The following CDK14 variants were observed in gnomAD, a reference collection of about 807,000 sequenced individuals.
CDK14 encodes cyclin dependent kinase 14, also known as cyclin-dependent kinase 14.
CDK14 carries 34 observed loss-of-function variants against 60.7 expected under a neutral mutation model. The ratio of observed to expected loss-of-function variants is 0.56; its 90% confidence interval spans 0.43 to 0.75. The LOEUF is 0.75. CDK14 is among the 30% of genes least tolerant of loss of function. The pLI is 0.00. For missense variants in CDK14, 482 were observed against 564.1 expected, an observed-to-expected ratio of 0.85 and a Z score of 1.47; for synonymous variants, 197 against 203.7, an observed-to-expected ratio of 0.97 and a Z score of 0.28.
intron 8 of CDK14, among the ~76,000 whole-genome samples, chr7:90,930,034 C>G (rs1424100006): frequency 6.6e-6 from 1 of 152,040 alleles, no homozygotes; most frequent in African/African-American, 2.4e-5. Flanking sequence ...ATTTGATGCT[C>G]TGTTCAACAG....
intron 4 of CDK14, among the ~76,000 whole-genome samples, chr7:90,762,756 C>T (rs781373168): frequency 1.1e-4 from 17 of 152,100 alleles, no homozygotes; most frequent in African/African-American, 1.9e-4. Flanking sequence ...GAGGCTGAGG[C>T]GGGCAGATTA....
chr7:90,878,960 A>T (rs1434670310), intron 6 of CDK14, among the ~76,000 whole-genome samples: 5 of 152,224 alleles, frequency 3.3e-5, no homozygotes, highest in Non-Finnish European at 4.4e-5. Context: ...TATTTGCCTA[A>T]TGTAGAAGAC....
intron 5 of CDK14, among the ~76,000 whole-genome samples, chr7:90,823,661 C>T (rs17163266): frequency 0.15 from 22,380 of 152,144 alleles, 1,824 homozygotes; most frequent in Middle Eastern, 0.25. Context: ...GGCTGGGCAT[C>T]GGCACTTAGT....
In CDK14 at chr7:91,098,526, AG is replaced by A. The variant is rs200913641; in HGVS notation, c.1155-14015del. 2.8e-3 allele frequency among the ~76,000 whole-genome samples: 407 copies of A among 144,394 alleles called. 2 individuals are homozygous for A. The highest frequency in any genetic ancestry group is 7.4e-3 in the Middle Eastern group (2 of 272). 94.7% of individuals were successfully genotyped at this position (144,394 alleles called of 152,430 possible). On this transcript the variant is annotated intron_variant, in intron 12 of 14. Coordinates refer to ENST00000380050, the MANE Select transcript of CDK14 (RefSeq NM_001287135.2). ...AAAAAAGAAAGAAAAAGAAAGAAAGAGAAAAAAAAAAAGAAATAAAGGCAAA... is the reference window on the plus strand; with the variant it reads ...AAAAAAGAAAGAAAAAGAAAGAAAGAAAAAAAAAAAAGAAATAAAGGCAAA...
chr7:90,639,929 C>T (rs17865024), intron 2 of CDK14, among the ~76,000 whole-genome samples: 5,708 of 152,166 alleles, frequency 0.038, 151 homozygotes, highest in Non-Finnish European at 0.057. Flanking sequence ...GAGCCAGGTG[C>T]GGGATATAGT....
chr7:91,037,705 T>C (rs1030950615), intron 10 of CDK14, among the ~76,000 whole-genome samples: 2 of 152,170 alleles, frequency 1.3e-5, no homozygotes, highest in Non-Finnish European at 2.9e-5. Context: ...AAACCTGATA[T>C]TGCACACATG....
At chr7:91,189,606 T>A (rs1424342475) in intron 14 of CDK14, among the ~76,000 whole-genome samples, 3 of 151,658 alleles carry the variant, frequency 2.0e-5, no homozygotes, top group African/African-American at 7.3e-5. Context: ...AGAATCCCAA[T>A]TTTTTTTTCA....
At chr7:90,769,375 T>C (rs1804692403) in intron 4 of CDK14, among the ~76,000 whole-genome samples, 1 of 152,170 alleles carries the variant, frequency 6.6e-6, no homozygotes, top group Non-Finnish European at 1.5e-5. Context: ...GTGAAAAGCA[T>C]ATCAGAATGC....
intron 12 of CDK14, among the ~76,000 whole-genome samples, chr7:91,084,369 T>C (rs761568231): frequency 5.3e-5 from 8 of 152,192 alleles, no homozygotes; most frequent in Non-Finnish European, 8.8e-5. Flanking sequence ...GAAAACAGTG[T>C]TTGCAGCTGG....
At chr7:90,828,693 A>G (rs1789807225) in intron 5 of CDK14, among the ~76,000 whole-genome samples, 1 of 152,154 alleles carries the variant, frequency 6.6e-6, no homozygotes, top group South Asian at 2.1e-4. Flanking sequence ...TTGTTGAATT[A>G]CCCACTGACA....
intron 2 of CDK14, among the ~76,000 whole-genome samples, chr7:90,711,799 G>A (rs1802069183): frequency 6.6e-6 from 1 of 150,696 alleles, no homozygotes; most frequent in Non-Finnish European, 1.5e-5. Flanking sequence ...GCATTTTTTG[G>A]TTAAACATTT....
At chr7:91,004,449 T>C (rs1246048740) in intron 10 of CDK14, among the ~76,000 whole-genome samples, 1 of 152,222 alleles carries the variant, frequency 6.6e-6, no homozygotes, top group African/African-American at 2.4e-5. Flanking sequence ...ACCAATCTAC[T>C]GGGGAGTGGT....
intron 14 of CDK14, among the ~76,000 whole-genome samples, chr7:91,193,242 C>T (rs35120957): frequency 0.41 from 61,976 of 152,068 alleles, 14,452 homozygotes; most frequent in Middle Eastern, 0.56. Context: ...GACCTGGAAT[C>T]TATGGGTCTA....
intron 12 of CDK14, among the ~76,000 whole-genome samples, chr7:91,106,628 A>T (rs61417455): frequency 0.014 from 2,168 of 152,326 alleles, 55 homozygotes; most frequent in African/African-American, 0.049. Flanking sequence ...ATTAGAATTA[A>T]AGTATTCCAA....
At chr7:91,201,598 A>G (rs575127041) in intron 14 of CDK14, among the ~76,000 whole-genome samples, 6 of 152,190 alleles carry the variant, frequency 3.9e-5, no homozygotes, top group Admixed American at 3.3e-4. Flanking sequence ...AGGCCAGTGA[A>G]ACACAGACCA....
At chr7:91,189,488 G>A (rs1802291187) in intron 14 of CDK14, among the ~76,000 whole-genome samples, 1 of 152,052 alleles carries the variant, frequency 6.6e-6, no homozygotes, top group African/African-American at 2.4e-5. Context: ...TTTTTGATAT[G>A]CATGACAATT....
At chr7:91,058,834 A>G (rs1797675331) in intron 11 of CDK14, among the ~76,000 whole-genome samples, 1 of 152,194 alleles carries the variant, frequency 6.6e-6, no homozygotes, top group Non-Finnish European at 1.5e-5. Flanking sequence ...TTTTGCATCA[A>G]TGTTTATCAC....
intron 10 of CDK14, among the ~76,000 whole-genome samples, chr7:91,007,384 C>G (rs1463914231): frequency 6.6e-6 from 1 of 152,190 alleles, no homozygotes; most frequent in African/African-American, 2.4e-5. Context: ...TGGGACTTAC[C>G]AAAGCATACA....
chr7:90,779,304 A>C (rs1445650743), intron 4 of CDK14, among the ~76,000 whole-genome samples: 4 of 152,160 alleles, frequency 2.6e-5, no homozygotes, highest in African/African-American at 9.7e-5. Context: ...CCTAGGCTGA[A>C]GTGCGTGGTA....
Sources: gnomAD v4.1 joint callset for allele counts (sites outside exome capture counted in the v4.1 genomes callset) on GRCh38, gnomAD v4.1.1 for gene constraint, MANE v1.5 for transcripts, NCBI Gene and HGNC (gene_info 2026-07-23, HGNC 2026-07-21) for gene names.